The following UMAD1 variants were observed in gnomAD, a reference collection of about 807,000 sequenced individuals.
UMAD1 encodes UBAP1-MVB12-associated (UMA) domain containing 1, also known as UBAP1-MVB12-associated (UMA)-domain containing protein 1.
UMAD1 carries 8 observed loss-of-function variants against 6.1 expected under a neutral mutation model. That is an observed-to-expected ratio of 1.30 (90% CI 0.76 to 2.35). The LOEUF is 2.35. UMAD1 is among the 30% of genes most tolerant of loss of function. The probability of loss-of-function intolerance (pLI) is 0.00; values close to 1 mark genes in which losing one functional copy is unlikely to be tolerated. For synonymous variants in UMAD1, 56 were observed against 31.4 expected, an observed-to-expected ratio of 1.78 and a Z score of -2.61; for missense variants, 130 against 78.4, an observed-to-expected ratio of 1.66 and a Z score of -2.49.
intron 1 of UMAD1, among the ~76,000 whole-genome samples, chr7:7,667,579 A>C (rs775149139): frequency 1.2e-4 from 19 of 152,146 alleles, no homozygotes; most frequent in Non-Finnish European, 2.2e-4. Flanking sequence ...TGTCTGGCCT[A>C]TCCACTTAAT....
chr7:7,654,431 G>T (rs919281651), intron 1 of UMAD1, among the ~76,000 whole-genome samples: 1 of 152,208 alleles, frequency 6.6e-6, no homozygotes, highest in Non-Finnish European at 1.5e-5. Flanking sequence ...AGACAGTACA[G>T]TTATCCTTCG....
intron 2 of UMAD1, among the ~76,000 whole-genome samples, chr7:7,717,137 A>C (rs141725241): frequency 6.7e-6 from 1 of 148,726 alleles, no homozygotes. Context: ...GCTCACTGCA[A>C]CCTCCGTCTC....
chr7:7,749,076 T>C (rs1781629729), intron 2 of UMAD1, among the ~76,000 whole-genome samples: 1 of 152,234 alleles, frequency 6.6e-6, no homozygotes, highest in African/African-American at 2.4e-5. Context: ...ATAATGTTTT[T>C]AAACTTTCTA....
rs920267283 is a variant in UMAD1 at position 7,768,952 on chromosome 7, C to T, written c.83-32718C>T. Among the ~76,000 whole-genome samples the T allele has an allele frequency of 5.9e-5, 9 of 151,970 alleles. No individual in the cohort carries two copies. The East Asian group carries it at 9.6e-4, about 16-fold the overall frequency. On this transcript the variant is annotated intron_variant, in intron 2 of 3. Coordinates refer to ENST00000682710, the MANE Select transcript of UMAD1 (RefSeq NM_001302348.2). ...GAGCAACTAATTAATACCTATAGCTCTCTGTGGTATTAGATGGAGATGATT... is the reference window on the plus strand; with the variant it reads ...GAGCAACTAATTAATACCTATAGCTTTCTGTGGTATTAGATGGAGATGATT...
intron 3 of UMAD1, among the ~76,000 whole-genome samples, chr7:7,806,981 T>C (rs1354859492): frequency 6.6e-6 from 1 of 152,182 alleles, no homozygotes; most frequent in African/African-American, 2.4e-5. Flanking sequence ...GAGGTTTCTT[T>C]TGGCAAGTTC....
rs866522944 is a variant in UMAD1 at position 7,676,468 on chromosome 7, A to T, written c.82+3015A>T. ...CAGAACCTATCCTCTAAACCACTGA[A>T]CTATCCATCTTTTTGTAAAAAAAGT... On this transcript the variant is annotated intron_variant, in intron 2 of 3. Transcript: ENST00000682710. Among the ~76,000 whole-genome samples the T allele has an allele frequency of 2.6e-5, 4 of 152,160 alleles. No individual in the cohort carries two copies. The South Asian group carries it at 8.3e-4, about 32-fold the overall frequency.
At position 7,653,191 on chromosome 7, in the gene UMAD1, ATTC is replaced by A. The variant is rs560524833; in HGVS notation, c.-64+12376_-64+12378del. On this transcript the variant is annotated intron_variant, in intron 1 of 3. Coordinates refer to ENST00000682710, the MANE Select transcript of UMAD1 (RefSeq NM_001302348.2). ...AACACCAAATGAAGTTGCTTCAGAA[ATTC>A]TTCTTGTACAGTAGTGTTATTTACA... Among the ~76,000 whole-genome samples, 377 of 152,326 alleles carry A rather than the reference ATTC, an allele frequency of 2.5e-3. 1 individual carries two copies. Among genetic ancestry groups the A allele is most frequent in the Middle Eastern group, 6.8e-3 (2 of 294 alleles).
chr7:7,658,333 A>G (rs936040413), intron 1 of UMAD1, among the ~76,000 whole-genome samples: 3 of 152,234 alleles, frequency 2.0e-5, no homozygotes, highest in African/African-American at 7.2e-5. Flanking sequence ...CCTGGCCAGA[A>G]CTTCTAATAC....
chr7:7,756,855 T>C (rs185835059), intron 2 of UMAD1, among the ~76,000 whole-genome samples: 178 of 152,342 alleles, frequency 1.2e-3, no homozygotes, highest in South Asian at 2.1e-3. Flanking sequence ...TGGGTGATTC[T>C]ACTGGGCAGC....
intron 2 of UMAD1, among the ~76,000 whole-genome samples, chr7:7,703,031 T>C (rs1780501633): frequency 6.6e-6 from 1 of 152,228 alleles, no homozygotes; most frequent in South Asian, 2.1e-4. Context: ...GGAGAATGCC[T>C]TCAGCTAGTC....
intron 2 of UMAD1, among the ~76,000 whole-genome samples, chr7:7,752,577 G>C (rs889215573): frequency 2.6e-5 from 4 of 152,092 alleles, no homozygotes; most frequent in African/African-American, 9.7e-5. Flanking sequence ...GACATGAGTT[G>C]TGAACTGAAA....
At chr7:7,743,984 C>T (rs902260018) in intron 2 of UMAD1, among the ~76,000 whole-genome samples, 3 of 151,964 alleles carry the variant, frequency 2.0e-5, no homozygotes, top group African/African-American at 7.2e-5. Context: ...TTTAACATAT[C>T]CACACAATTG....
chr7:7,748,816 G>T (rs1781624608), intron 2 of UMAD1, among the ~76,000 whole-genome samples: 2 of 151,470 alleles, frequency 1.3e-5, no homozygotes, highest in African/African-American at 4.8e-5. Context: ...AAAAATTTGG[G>T]GAAAATAATG....
At chr7:7,781,457 TC>T (rs1412951292) in intron 2 of UMAD1, among the ~76,000 whole-genome samples, 1 of 152,066 alleles carries the variant, frequency 6.6e-6, no homozygotes, top group African/African-American at 2.4e-5. Flanking sequence ...GCTGGCATTT[TC>T]TTTACATTAA....
intron 2 of UMAD1, among the ~76,000 whole-genome samples, chr7:7,735,474 A>C (rs1234555497): frequency 6.6e-6 from 1 of 150,448 alleles, no homozygotes. Context: ...CAATGACGTG[A>C]TCTCCGCTCA....
chr7:7,863,228 G>T (rs1401765073), intron 3 of UMAD1, among the ~76,000 whole-genome samples: 2 of 152,164 alleles, frequency 1.3e-5, no homozygotes, highest in African/African-American at 4.8e-5. Context: ...AGTTAGTGGT[G>T]GTGTGATAGT....
chr7:7,754,095 G>C (rs2115223129), intron 2 of UMAD1, among the ~76,000 whole-genome samples: 1 of 152,266 alleles, frequency 6.6e-6, no homozygotes, highest in East Asian at 1.9e-4. Context: ...TGGGGCAGGA[G>C]AATCGCTTGA....
chr7:7,705,954 C>G (rs1780588908), intron 2 of UMAD1, among the ~76,000 whole-genome samples: 11 of 152,020 alleles, frequency 7.2e-5, no homozygotes, highest in Admixed American at 7.2e-4. Context: ...TAAAACTGCT[C>G]TAAAAAATAA....
rs1230056121 is a variant in UMAD1 at position 7,833,249 on chromosome 7, A to G, written c.156+31506A>G. ...CAGATGAACTGCAGTGGAACAGACT[A>G]CAGGAGAACAGATACACTCAGCAAC... On this transcript the variant is annotated intron_variant, in intron 3 of 3. Transcript: ENST00000682710. Among the ~76,000 whole-genome samples the G allele has an allele frequency of 3.9e-5, 6 of 152,196 alleles. No homozygotes were observed. In the East Asian group the frequency reaches 5.8e-4, roughly 15 times the overall value.
Sources: allele counts gnomAD v4.1 joint callset (sites outside exome capture counted in the v4.1 genomes callset), GRCh38; gene constraint gnomAD v4.1.1; transcripts MANE v1.5; gene names NCBI Gene and HGNC (gene_info 2026-07-23, HGNC 2026-07-21).